The following ARHGEF33 variants were observed in gnomAD, a reference collection of about 807,000 sequenced individuals.
The protein encoded by ARHGEF33 is DH and coiled-coil domain-containing protein ENSP00000381780.
In ARHGEF33, 72 loss-of-function variants were observed where a neutral mutation model predicts 101.9. That is an observed-to-expected ratio of 0.71 (90% CI 0.58 to 0.86). The LOEUF is 0.86. Among genes scored for constraint, ARHGEF33 ranks in the 40% least tolerant of loss-of-function variants. ARHGEF33 has a pLI of 0.00. For synonymous variants in ARHGEF33, 499 were observed against 442.5 expected (o/e 1.13, Z -1.60); for missense variants, 1,169 against 1,111.3 (o/e 1.05, Z -0.74).
chr2:38,935,545 C>A (rs1376874171), intron 7 of ARHGEF33, among the ~76,000 whole-genome samples: 1 of 152,148 alleles, frequency 6.6e-6, no homozygotes, highest in African/African-American at 2.4e-5. Context: ...TTTACAAATA[C>A]TAACTTATTT....
intron 2 of ARHGEF33, among the ~76,000 whole-genome samples, chr2:38,909,778 C>T (rs1419735775): frequency 6.9e-6 from 1 of 144,940 alleles, no homozygotes; most frequent in Non-Finnish European, 1.5e-5. Flanking sequence ...GTTTTAAGCA[C>T]TTGTGTATCT....
intron 2 of ARHGEF33, among the ~76,000 whole-genome samples, chr2:38,901,180 G>A (rs756748844): frequency 3.0e-4 from 46 of 152,008 alleles, no homozygotes; most frequent in Non-Finnish European, 5.4e-4. Flanking sequence ...TACTTTTTGT[G>A]ATCAGTAAAA....
chr2:38,929,221 G>C lies in ARHGEF33; in HGVS notation c.240+150G>C, dbSNP rs1666939930. The C allele has an allele frequency of 3.9e-5, 22 of 558,448 alleles. No individual in the cohort carries two copies. In the South Asian group the frequency reaches 5.0e-4, roughly 13 times the overall value. The allele number at this position is 558,448 out of a possible 1,614,324, so 34.6% of individuals were successfully genotyped here. A position where few individuals can be genotyped will look rare whatever the true frequency, so the allele number is the denominator to read the frequency against. On this transcript the variant is annotated intron_variant, in intron 5 of 17. Coordinates refer to ENST00000409978, the MANE Select transcript of ARHGEF33 (RefSeq NM_001145451.5). ...CGAGGCAGGTAGATCACAAGGTCAGGAGTTCAAGACCACCCTGGCCAATAT... is the reference window on the plus strand; with the variant it reads ...CGAGGCAGGTAGATCACAAGGTCAGCAGTTCAAGACCACCCTGGCCAATAT...
intron 16 of ARHGEF33, among the ~76,000 whole-genome samples, chr2:38,962,134 A>G (rs747398110): frequency 1.9e-4 from 29 of 152,248 alleles, no homozygotes; most frequent in Non-Finnish European, 3.7e-4. Context: ...TCTAGCTCTG[A>G]TTTTCAACCC....
At chr2:38,956,778 G>A in intron 13 of ARHGEF33, 121 bp from the exon 14 acceptor site, 1 of 1,233,838 alleles carries the variant, frequency 8.1e-7, no homozygotes, top group South Asian at 1.5e-5. Flanking sequence ...CATGTGTATT[G>A]TTCATTGTTT....
chr2:38,900,325 C>T (rs533751579), intron 2 of ARHGEF33, among the ~76,000 whole-genome samples: 119 of 152,148 alleles, frequency 7.8e-4, no homozygotes, highest in African/African-American at 2.7e-3. Flanking sequence ...TAGGGGCAAG[C>T]TTCATAGAGA....
chr2:38,973,968 G>A lies in ARHGEF33; in HGVS notation c.*125G>A. 1.7e-6 allele frequency: 1 copy of A among 590,590 alleles called. No homozygotes were observed. The highest frequency in any genetic ancestry group is 2.3e-6 in the Non-Finnish European group (1 of 443,168). The allele number at this position is 590,590 out of a possible 1,614,324, so 36.6% of individuals were successfully genotyped here. A position where few individuals can be genotyped will look rare whatever the true frequency, so the allele number is the denominator to read the frequency against. ...TATATATCGATGTATAAATCCCTGA[G>A]GAAAACTAATATAAATACTTACATA... On this transcript the variant is annotated 3_prime_UTR_variant, in exon 18 of 18. Transcript: ENST00000409978.
intron 2 of ARHGEF33, among the ~76,000 whole-genome samples, chr2:38,896,114 G>A (rs892603984): frequency 6.6e-6 from 1 of 152,108 alleles, no homozygotes; most frequent in African/African-American, 2.4e-5. Flanking sequence ...ATTGAGACAA[G>A]AATGAACTAT....
rs1452571959 is a variant in ARHGEF33 at position 38,956,928 on chromosome 2, C to A, written c.1251C>A (p.His417Gln). The A allele has an allele frequency of 6.4e-7, 1 of 1,552,252 alleles. No homozygotes were observed. Among genetic ancestry groups the A allele is most frequent in the South Asian group, 1.2e-5 (1 of 84,056 alleles). ...TCCTGAAGTTCACAGAGCAGGAGCA[C>A]CCTGACTATTATCTACTACTGGTGT... is the stretch of plus-strand genomic sequence containing the variant. ...QNVLKFTEQE[H>Q]PDYYLLLVCV... is the part of the protein sequence containing the mutation. The change falls in exon 14 of 18, where the codon CAC becomes CAA. Residue 417 changes from histidine to glutamine, a missense_variant. By Grantham distance (24) the His-to-Gln change is conservative. Transcript: ENST00000409978.
In ARHGEF33 at chr2:38,907,013, C is replaced by A. The variant is rs62142753; in HGVS notation, c.-86+11164C>A. Among the ~76,000 whole-genome samples the A allele has an allele frequency of 5.2e-3, 798 of 152,026 alleles. 1 individual carries two copies. The highest frequency in any genetic ancestry group is 8.9e-3 in the Non-Finnish European group (603 of 67,976). ...GACAGATGACAATTGAGGAGAATGGCCAAAGCAGGCTTCATGAAGGGTATA... is the reference window on the plus strand; with the variant it reads ...GACAGATGACAATTGAGGAGAATGGACAAAGCAGGCTTCATGAAGGGTATA... On this transcript the variant is annotated intron_variant, in intron 2 of 17. Transcript: ENST00000409978.
intron 17 of ARHGEF33, 52 bp downstream of exon 17, chr2:38,966,197 A>T (rs1242986523): frequency 1.3e-6 from 2 of 1,532,012 alleles, no homozygotes; most frequent in Non-Finnish European, 8.8e-7. Flanking sequence ...CTTTGGGCTA[A>T]ATCTTGAGGT....
At chr2:38,967,024 C>A (rs1335861224) in intron 17 of ARHGEF33, among the ~76,000 whole-genome samples, 2 of 152,204 alleles carry the variant, frequency 1.3e-5, no homozygotes, top group Admixed American at 1.3e-4. Flanking sequence ...TTTTAAATAA[C>A]AAGTCTTCAT....
At chr2:38,925,571 A>G (rs1236198534) in intron 4 of ARHGEF33, among the ~76,000 whole-genome samples, 2 of 152,176 alleles carry the variant, frequency 1.3e-5, no homozygotes, top group Non-Finnish European at 2.9e-5. Context: ...TAGATATGGG[A>G]AGTTTACTCT....
intron 2 of ARHGEF33, among the ~76,000 whole-genome samples, chr2:38,909,234 G>T (rs1572742750): frequency 6.6e-6 from 1 of 152,172 alleles, no homozygotes; most frequent in African/African-American, 2.4e-5. Flanking sequence ...GCTGACTTGA[G>T]CACCAAGGAC....
intron 10 of ARHGEF33, among the ~76,000 whole-genome samples, chr2:38,944,827 T>G (rs973389029): frequency 6.6e-6 from 1 of 151,930 alleles, no homozygotes; most frequent in Non-Finnish European, 1.5e-5. Context: ...ACTCTGGACC[T>G]GGGCCTTATT....
chr2:38,904,707 C>CA (rs34383703), intron 2 of ARHGEF33, among the ~76,000 whole-genome samples: 1,373 of 128,538 alleles, frequency 0.011, 34 homozygotes, highest in African/African-American at 0.036. Flanking sequence ...GACTCTGTAT[C>CA]AAAAAAAAAA....
chr2:38,954,584 T>G, intron 13 of ARHGEF33, 128 bp downstream of exon 13: 2 of 667,946 alleles, frequency 3.0e-6, no homozygotes, highest in Non-Finnish European at 2.6e-6. Flanking sequence ...TTATTTAGAT[T>G]GTTATGATTA....
chr2:38,890,109 T>G, intron 1 of ARHGEF33, 123 bp downstream of exon 1: 1 of 206,506 alleles, frequency 4.8e-6, no homozygotes, highest in South Asian at 7.1e-5. Flanking sequence ...TGCTAACATT[T>G]ATTTGAGGTA....
chr2:38,933,243 C>A (rs1030274410), intron 7 of ARHGEF33, among the ~76,000 whole-genome samples: 3 of 152,168 alleles, frequency 2.0e-5, no homozygotes, highest in Non-Finnish European at 4.4e-5. Flanking sequence ...AAGCTTATCA[C>A]CTGGTTATTG....
Sources: gnomAD v4.1 joint callset for allele counts (sites outside exome capture counted in the v4.1 genomes callset) on GRCh38, gnomAD v4.1.1 for gene constraint, MANE v1.5 for transcripts, NCBI Gene and HGNC (gene_info 2026-07-23, HGNC 2026-07-21) for gene names.